The following PLSCR1 variants were observed in gnomAD, a reference collection of about 807,000 sequenced individuals.
PLSCR1 encodes PL scramblase 1.
Under a neutral mutation model 37.8 loss-of-function variants are expected in PLSCR1, and 17 were observed. The observed-to-expected ratio is 0.45, with a 90% CI of 0.31 to 0.68. The LOEUF (loss-of-function observed/expected upper bound fraction) is 0.68, where lower values mean the gene tolerates loss of function less well. Among genes scored for constraint, PLSCR1 ranks in the 30% least tolerant of loss-of-function variants. The pLI is 0.06. For missense variants in PLSCR1, 347 were observed against 380.9 expected (o/e 0.91, Z 0.74); for synonymous variants, 116 against 125.9 (o/e 0.92, Z 0.53).
At chr3:146,525,435 T>A in intron 5 of PLSCR1, 170 bp downstream of exon 5, 1 of 546,448 alleles carries the variant, frequency 1.8e-6, no homozygotes, top group Non-Finnish European at 3.3e-6. Context: ...GCATTTTACC[T>A]TTTGATTCCT....
At chr3:146,520,813 GC>G (rs2044008534) in intron 7 of PLSCR1, among the ~76,000 whole-genome samples, 1 of 151,950 alleles carries the variant, frequency 6.6e-6, no homozygotes. Context: ...GGAAAGGTGG[GC>G]CCAGTTAACC....
intron 1 of PLSCR1, among the ~76,000 whole-genome samples, chr3:146,540,484 G>A (rs533645682): frequency 6.6e-6 from 1 of 152,138 alleles, no homozygotes; most frequent in African/African-American, 2.4e-5. Flanking sequence ...ATCTCTTGAG[G>A]TCCTGAAATT....
chr3:146,516,354 T>C, intron 8 of PLSCR1: 1 of 325,292 alleles, frequency 3.1e-6, no homozygotes, highest in Non-Finnish European at 5.5e-6. Context: ...CCAGTCATTT[T>C]CTCTAAATGT....
intron 3 of PLSCR1, 60 bp from the exon 4 acceptor site, chr3:146,528,891 T>C (rs1247518458): frequency 4.9e-6 from 6 of 1,228,018 alleles, no homozygotes; most frequent in Non-Finnish European, 7.0e-6. Flanking sequence ...TGTCAACCTT[T>C]TTAGGGTTAT....
intron 1 of PLSCR1, among the ~76,000 whole-genome samples, chr3:146,543,523 A>G (rs1327281622): frequency 6.6e-6 from 1 of 152,226 alleles, no homozygotes; most frequent in Non-Finnish European, 1.5e-5. Flanking sequence ...CACTTGTAGT[A>G]ACCATGTATC....
At chr3:146,529,602 T>A (rs1159335242) in intron 3 of PLSCR1, among the ~76,000 whole-genome samples, 1 of 151,572 alleles carries the variant, frequency 6.6e-6, no homozygotes, top group Admixed American at 6.6e-5. Context: ...AAGCTCCACC[T>A]CCTGGGTTCA....
At chr3:146,528,930 C>A in intron 3 of PLSCR1, 99 bp from the exon 4 acceptor site, 2 of 779,898 alleles carry the variant, frequency 2.6e-6, no homozygotes, top group Non-Finnish European at 4.1e-6. Flanking sequence ...GACATTTCAG[C>A]GTAGACATCT....
In PLSCR1 at chr3:146,528,885, A is replaced by G. The variant is rs749966484; in HGVS notation, c.95-54T>C. ...TAACTGCACCAAAAATGGAATTGTC[A>G]ACCTTTTTAGGGTTATGCCATCTAT... On this transcript the variant is annotated intron_variant, in intron 3 of 8. Transcript: ENST00000342435. 84 of 1,366,802 alleles carry G rather than the reference A, an allele frequency of 6.1e-5. 1 individual carries two copies. The highest frequency in any genetic ancestry group is 7.6e-5 in the Non-Finnish European group (74 of 977,658). The allele number at this position is 1,366,802 out of a possible 1,614,324, so 84.7% of individuals were successfully genotyped here.
chr3:146,528,601 T>C lies in PLSCR1; in HGVS notation c.312+13A>G. ...TTCTGTTTTTTATGAGTATTTTGTGTCTTTGAAATTACCTGACTTAAATAT... is the reference window on the plus strand; with the variant it reads ...TTCTGTTTTTTATGAGTATTTTGTGCCTTTGAAATTACCTGACTTAAATAT... On this transcript the variant is annotated intron_variant, in intron 4 of 8. Transcript: ENST00000342435. 1 of 1,597,602 alleles carries C rather than the reference T, an allele frequency of 6.3e-7. No homozygotes were observed. The highest frequency in any genetic ancestry group is 8.6e-7 in the Non-Finnish European group (1 of 1,164,832).
intron 4 of PLSCR1, chr3:146,527,893 T>A (rs1366154722): frequency 6.6e-6 from 1 of 152,086 alleles, no homozygotes; most frequent in Non-Finnish European, 1.5e-5. Flanking sequence ...CAATTAAATG[T>A]TAAACCTCTT....
Position 146,525,657 on chromosome 3 carries a change from G to T in PLSCR1, c.313-10C>A. The T allele has an allele frequency of 7.0e-7, 1 of 1,419,274 alleles. No homozygotes were observed. Among genetic ancestry groups the T allele is most frequent in the Non-Finnish European group, 9.8e-7 (1 of 1,020,718 alleles). 87.9% of individuals were successfully genotyped at this position (1,419,274 alleles called of 1,614,324 possible). The stretch of plus-strand genomic sequence containing the variant: ...TCAGTATCTGATCTATCTATAGCAG[G>T]AAAAAAAATAAGTGGTATGTATATG... On this transcript the variant is annotated splice_polypyrimidine_tract_variant and intron_variant, in intron 4 of 8. Coordinates refer to ENST00000342435, the MANE Select transcript of PLSCR1 (RefSeq NM_021105.3).
At chr3:146,524,576 G>A (rs1945146361) in intron 5 of PLSCR1, among the ~76,000 whole-genome samples, 1 of 151,886 alleles carries the variant, frequency 6.6e-6, no homozygotes, top group Admixed American at 6.6e-5. Context: ...GATAAATAGT[G>A]TGCTGTGTAA....
At chr3:146,526,133 AGATC>A (rs2044106263) in intron 4 of PLSCR1, among the ~76,000 whole-genome samples, 1 of 140,750 alleles carries the variant, frequency 7.1e-6, no homozygotes, top group Non-Finnish European at 1.5e-5. Flanking sequence ...CAGTGAGCCG[AGATC>A]GCGCTACTGC....
At chr3:146,523,784 A>C (rs1253250608) in intron 5 of PLSCR1, among the ~76,000 whole-genome samples, 1 of 152,260 alleles carries the variant, frequency 6.6e-6, no homozygotes, top group African/African-American at 2.4e-5. Context: ...CATACTTTGT[A>C]TCAAGGGCTT....
At chr3:146,522,136 C>T in intron 5 of PLSCR1, 83 bp from the exon 6 acceptor site, 1 of 820,172 alleles carries the variant, frequency 1.2e-6, no homozygotes, top group East Asian at 2.6e-5. Context: ...TCTAGCTATG[C>T]CAGTTTTTGA....
chr3:146,525,930 T>C (rs1360022543), intron 4 of PLSCR1, among the ~76,000 whole-genome samples: 1 of 151,844 alleles, frequency 6.6e-6, no homozygotes, highest in Non-Finnish European at 1.5e-5. Flanking sequence ...ATGCCTGTAA[T>C]CCCAGCACTT....
At chr3:146,532,261 G>A (rs1190951451) in intron 3 of PLSCR1, among the ~76,000 whole-genome samples, 3 of 152,048 alleles carry the variant, frequency 2.0e-5, no homozygotes, top group Non-Finnish European at 1.5e-5. Flanking sequence ...AAGTGCCTTG[G>A]ATGAATATTA....
At chr3:146,526,410 T>C (rs909231088) in intron 4 of PLSCR1, among the ~76,000 whole-genome samples, 2 of 151,954 alleles carry the variant, frequency 1.3e-5, no homozygotes, top group African/African-American at 4.8e-5. Flanking sequence ...GGTGGGAAAG[T>C]AAATTAGAGC....
chr3:146,539,818 G>A (rs1016852596), intron 1 of PLSCR1, among the ~76,000 whole-genome samples: 1 of 152,166 alleles, frequency 6.6e-6, no homozygotes, highest in African/African-American at 2.4e-5. Flanking sequence ...ATTGAAAGTG[G>A]TATGTAATAA....
Sources: gnomAD v4.1 joint callset for allele counts (sites outside exome capture counted in the v4.1 genomes callset) on GRCh38, gnomAD v4.1.1 for gene constraint, MANE v1.5 for transcripts, NCBI Gene and HGNC (gene_info 2026-07-23, HGNC 2026-07-21) for gene names.